AGMO: variants seen among roughly 807,000 people sequenced by gnomAD.
The protein encoded by AGMO is glyceryl-ether monooxygenase.
Under a neutral mutation model 60.2 loss-of-function variants are expected in AGMO, and 75 were observed. The observed-to-expected ratio is 1.25, with a 90% confidence interval of 1.03 to 1.51. The LOEUF (loss-of-function observed/expected upper bound fraction) is 1.51, where lower values mean the gene tolerates loss of function less well. AGMO is among the 40% of genes most tolerant of loss of function. AGMO has a pLI of 0.00. For missense variants in AGMO, 763 were observed against 525.5 expected, an observed-to-expected ratio of 1.45 and a Z score of -4.42; for synonymous variants, 261 against 177.1, an observed-to-expected ratio of 1.47 and a Z score of -3.76.
intron 2 of AGMO, among the ~76,000 whole-genome samples, chr7:15,550,529 C>A (rs914480702): frequency 6.6e-6 from 1 of 152,038 alleles, no homozygotes; most frequent in African/African-American, 2.4e-5. Flanking sequence ...TCAGAGAATA[C>A]TACAAACACC....
intron 12 of AGMO, among the ~76,000 whole-genome samples, chr7:15,361,378 A>T (rs1270945863): frequency 1.8e-4 from 28 of 151,710 alleles, no homozygotes; most frequent in Non-Finnish European, 1.2e-4. Flanking sequence ...TCTCTACTAA[A>T]AATACAAAAA....
intron 12 of AGMO, among the ~76,000 whole-genome samples, chr7:15,359,765 T>G (rs1016505475): frequency 6.6e-6 from 1 of 152,250 alleles, no homozygotes; most frequent in African/African-American, 2.4e-5. Flanking sequence ...TTTTATTGTA[T>G]GTTACATGGT....
intron 10 of AGMO, among the ~76,000 whole-genome samples, chr7:15,383,792 G>GT (rs1003395660): frequency 6.6e-6 from 1 of 151,700 alleles, no homozygotes; most frequent in African/African-American, 2.4e-5. Flanking sequence ...ATTCATTTAG[G>GT]TTTTTTTCCC....
At chr7:15,299,354 G>A (rs1028490587) in intron 12 of AGMO, among the ~76,000 whole-genome samples, 2 of 152,036 alleles carry the variant, frequency 1.3e-5, no homozygotes, top group African/African-American at 4.8e-5. Flanking sequence ...TGGTAAGAGT[G>A]GTTTGCCCTA....
the AGMO span, among the ~76,000 whole-genome samples, chr7:15,150,214 G>T: frequency 6.6e-6 from 1 of 151,982 alleles, no homozygotes; most frequent in Non-Finnish European, 1.5e-5. Context: ...GGTAGACTAT[G>T]AGGTTTCCTA....
chr7:15,557,425 A>G (rs929530752), intron 2 of AGMO, among the ~76,000 whole-genome samples: 4 of 152,036 alleles, frequency 2.6e-5, no homozygotes, highest in African/African-American at 9.7e-5. Context: ...GTGTTAATCT[A>G]ACCCTCAGCT....
Position 15,318,802 on chromosome 7 carries a change from A to G in AGMO, c.1263+46712T>C, listed in dbSNP as rs186393656. Reference sequence around the variant, plus strand: ...ATCAATCCTCTTTTACAGGTTGCCAATTATGCTTTCTAGCTAAGCAGCATT... The same window carrying G: ...ATCAATCCTCTTTTACAGGTTGCCAGTTATGCTTTCTAGCTAAGCAGCATT... On this transcript the variant is annotated intron_variant, in intron 12 of 12. Transcript: ENST00000342526. Among the ~76,000 whole-genome samples the G allele has an allele frequency of 1.2e-4, 19 of 152,238 alleles. No individual in the cohort carries two copies. The East Asian group carries it at 3.5e-3, about 28-fold the overall frequency.
chr7:15,203,483 T>G (rs1246259092), intron 12 of AGMO, among the ~76,000 whole-genome samples: 1 of 150,446 alleles, frequency 6.6e-6, no homozygotes, highest in East Asian at 1.9e-4. Flanking sequence ...GCAGTCTTAT[T>G]TTTTTTTTCT....
At chr7:15,198,338 A>C (rs1781189456), downstream of AGMO, among the ~76,000 whole-genome samples, 1 of 151,966 alleles carries the variant, frequency 6.6e-6, no homozygotes, top group African/African-American at 2.4e-5. Context: ...TTACAACATT[A>C]ATAATAGCTG....
At chr7:15,155,985 T>C in the AGMO span, among the ~76,000 whole-genome samples, 3 of 152,172 alleles carry the variant, frequency 2.0e-5, no homozygotes, top group Non-Finnish European at 4.4e-5. Flanking sequence ...CTCTAGCCCC[T>C]CAAGGTGAAG....
chr7:15,120,383 T>C, the AGMO span, among the ~76,000 whole-genome samples: 1 of 152,184 alleles, frequency 6.6e-6, no homozygotes, highest in Non-Finnish European at 1.5e-5. Context: ...TATATTAATA[T>C]GTTATGGACT....
intron 12 of AGMO, among the ~76,000 whole-genome samples, chr7:15,322,465 TAAATATATAAATATATATATAA>T (rs1781141347): frequency 1.3e-5 from 1 of 76,210 alleles, no homozygotes. Context: ...TAAATATATA[TAAATATATAAATATATATATAA>T]ATATATATAA....
chr7:15,315,261 A>G (rs1436877212), intron 12 of AGMO, among the ~76,000 whole-genome samples: 1 of 151,870 alleles, frequency 6.6e-6, no homozygotes, highest in African/African-American at 2.4e-5. Context: ...ACTAATACAT[A>G]CAACAAAATT....
chr7:15,165,028 G>A, the AGMO span, among the ~76,000 whole-genome samples: 1,381 of 152,182 alleles, frequency 9.1e-3, 24 homozygotes, highest in African/African-American at 0.031. Context: ...AATGTGGTAC[G>A]CATACACTAT....
chr7:15,252,748 C>T (rs1416395854), intron 12 of AGMO, among the ~76,000 whole-genome samples: 2 of 152,150 alleles, frequency 1.3e-5, no homozygotes, highest in Admixed American at 1.3e-4. Context: ...GTTAGATTTC[C>T]AGCTGGAACT....
In AGMO at chr7:15,561,836, G is replaced by T. The variant is rs1258369913; in HGVS notation, c.10C>A (p.Pro4Thr). 2 of 1,603,792 alleles carry T rather than the reference G, an allele frequency of 1.2e-6. No homozygotes were observed. Among genetic ancestry groups the T allele is most frequent in the Non-Finnish European group, 1.7e-6 (2 of 1,174,046 alleles). Residue 4 changes from proline (P) to threonine (T), a missense_variant, in exon 1 of 13, where the codon CCA becomes ACA. Pro to Thr is a conservative substitution (Grantham distance 38). Coordinates refer to ENST00000342526, the MANE Select transcript of AGMO (RefSeq NM_001004320.2). ...ACTGAAACATCCTGCTGGGCTTCTG[G>T]GTTCTTCATTTCTGCCCTTGTCTGA... MKN[P>T]EAQQDVSVSQ...
chr7:15,541,253 G>T (rs1212791281), intron 3 of AGMO, among the ~76,000 whole-genome samples: 1 of 152,134 alleles, frequency 6.6e-6, no homozygotes, highest in East Asian at 1.9e-4. Context: ...CTCCTGAGTA[G>T]CTGGGATTAC....
intron 12 of AGMO, among the ~76,000 whole-genome samples, chr7:15,343,423 C>T (rs973614675): frequency 6.6e-6 from 1 of 152,128 alleles, no homozygotes; most frequent in African/African-American, 2.4e-5. Context: ...ATAAGGCAGA[C>T]AGCCCCAAAT....
At position 15,418,567 on chromosome 7, in the gene AGMO, G is replaced by A. The variant is rs535463700; in HGVS notation, c.600C>T (p.Ile200=). The change falls in exon 5 of 13, where the codon ATC becomes ATT. Residue 200 remains isoleucine (I), a synonymous_variant. Transcript: ENST00000342526. ...LQFNLLYQFW[I]HTEVINNLGP... is the part of the protein sequence containing the mutation. ...TAAAAAAAAGTTTTACCTCTGTATG[G>A]ATCCAAAATTGGTAAAGAAGATTGA... 31 of 1,586,474 alleles carry A rather than the reference G, an allele frequency of 2.0e-5. 1 individual carries two copies. The South Asian group carries it at 3.3e-4, about 17-fold the overall frequency.
Sources: gnomAD v4.1 joint callset for allele counts (sites outside exome capture counted in the v4.1 genomes callset) on GRCh38, gnomAD v4.1.1 for gene constraint, MANE v1.5 for transcripts, NCBI Gene and HGNC (gene_info 2026-07-23, HGNC 2026-07-21) for gene names.